ERO1A: variants seen among roughly 807,000 people sequenced by gnomAD.
The protein encoded by ERO1A is ERO1-like protein alpha.
Under a neutral mutation model 76.9 loss-of-function variants are expected in ERO1A, and 49 were observed. The ratio of observed to expected loss-of-function variants is 0.64; its 90% CI spans 0.51 to 0.81. ERO1A has a LOEUF of 0.81. Among genes scored for constraint, ERO1A ranks in the 30% least tolerant of loss-of-function variants. The probability of loss-of-function intolerance (pLI) is 0.00; values close to 1 mark genes in which losing one functional copy is unlikely to be tolerated. For missense variants in ERO1A, 448 were observed against 542.1 expected, an observed-to-expected ratio of 0.83 and a Z score of 1.72; for synonymous variants, 174 against 181.2, an observed-to-expected ratio of 0.96 and a Z score of 0.32.
At chr14:52,659,968 G>A (rs971160123) in intron 9 of ERO1A, among the ~76,000 whole-genome samples, 10 of 152,090 alleles carry the variant, frequency 6.6e-5, no homozygotes, top group African/African-American at 2.4e-4. Context: ...CACACAGCTG[G>A]GATCACAGGT....
At chr14:52,659,447 G>T (rs2040159719) in intron 9 of ERO1A, among the ~76,000 whole-genome samples, 1 of 151,972 alleles carries the variant, frequency 6.6e-6, no homozygotes, top group Non-Finnish European at 1.5e-5. Flanking sequence ...AGTAACTAAG[G>T]GTATGGTTCC....
At chr14:52,647,446 C>G (rs2039709361) in intron 13 of ERO1A, among the ~76,000 whole-genome samples, 1 of 151,866 alleles carries the variant, frequency 6.6e-6, no homozygotes, top group Non-Finnish European at 1.5e-5. Flanking sequence ...TACCCACTAC[C>G]AAGTTTTAGA....
In ERO1A at chr14:52,671,887, G is replaced by T; in HGVS notation, c.358-16C>A. The stretch of plus-strand genomic sequence containing the variant: ...CTTCAGAATACTAAAATGAAAAAGG[G>T]AATAAATAGATAATAACTTATTGCA... On this transcript the variant is annotated splice_polypyrimidine_tract_variant and intron_variant, in intron 4 of 15. Coordinates refer to ENST00000395686, the MANE Select transcript of ERO1A (RefSeq NM_014584.3). 3 of 1,468,380 alleles carry T rather than the reference G, an allele frequency of 2.0e-6. No individual in the cohort carries two copies. In the South Asian group the frequency reaches 3.7e-5, roughly 18 times the overall value. The allele number at this position is 1,468,380 out of a possible 1,614,324, so 91.0% of individuals were successfully genotyped here.
Position 52,646,218 on chromosome 14 carries a change from C to T in ERO1A, c.1282G>A (p.Gly428Arg), listed in dbSNP as rs956095663. 6.2e-7 allele frequency: 1 copy of T among 1,613,692 alleles called. No individual in the cohort carries two copies. The highest frequency in any genetic ancestry group is 8.5e-7 in the Non-Finnish European group (1 of 1,179,764). The change falls in exon 15 of 16, where the codon GGA becomes AGA. Residue 428 changes from glycine (G) to arginine (R), a missense_variant. Gly to Arg is a moderately radical substitution (Grantham distance 125). Coordinates refer to ENST00000395686, the MANE Select transcript of ERO1A (RefSeq NM_014584.3). ...GTTAGATGGAATTCATAACTAGGTC[C>T]ACTTTCTGGCATATTTGCTATCAAT... The part of the protein sequence containing the change: ...EKLIANMPES[G>R]PSYEFHLTRQ...
intron 1 of ERO1A, among the ~76,000 whole-genome samples, chr14:52,690,272 G>T (rs998599775): frequency 6.6e-6 from 1 of 151,828 alleles, no homozygotes; most frequent in East Asian, 1.9e-4. Context: ...AAGTAAGTGG[G>T]ACTACATGCA....
intron 3 of ERO1A, among the ~76,000 whole-genome samples, chr14:52,678,822 T>G (rs2040890238): frequency 1.3e-5 from 2 of 152,204 alleles, no homozygotes; most frequent in Admixed American, 6.5e-5. Flanking sequence ...ATTACTCCAG[T>G]GGTCCTTAGT....
intron 4 of ERO1A, 81 bp downstream of exon 4, chr14:52,678,353 T>C: frequency 9.4e-7 from 1 of 1,059,366 alleles, no homozygotes; most frequent in Non-Finnish European, 1.4e-6. Context: ...AGCAGATAAA[T>C]GGGATAGTAG....
intron 11 of ERO1A, among the ~76,000 whole-genome samples, chr14:52,656,509 G>T (rs1165263570): frequency 6.6e-6 from 1 of 151,840 alleles, no homozygotes; most frequent in Non-Finnish European, 1.5e-5. Context: ...TCAGGAATTC[G>T]AGACCAGCCT....
chr14:52,643,702 A>G, intron 15 of ERO1A, 72 bp from the exon 16 acceptor site: 1 of 741,984 alleles, frequency 1.3e-6, no homozygotes, highest in South Asian at 2.1e-5. Flanking sequence ...TTCACTTTGC[A>G]TTTTAAAACA....
At chr14:52,674,335 G>A (rs2040709720) in intron 4 of ERO1A, among the ~76,000 whole-genome samples, 1 of 152,036 alleles carries the variant, frequency 6.6e-6, no homozygotes, top group Non-Finnish European at 1.5e-5. Context: ...TAGGACTATG[G>A]GCATGCACCA....
chr14:52,663,862 A>T lies in ERO1A; in HGVS notation c.630-15T>A, dbSNP rs759992341. On this transcript the variant is annotated splice_polypyrimidine_tract_variant and intron_variant, in intron 7 of 15. Transcript: ENST00000395686. The stretch of plus-strand genomic sequence containing the variant: ...TTGTCTGTGGCCTAGAAGTAAAAAG[A>T]ATTAAAAATATCAACACAAATATGT... 1 of 1,469,426 alleles carries T rather than the reference A, an allele frequency of 6.8e-7. No individual in the cohort carries two copies. Among genetic ancestry groups the T allele is most frequent in the South Asian group, 1.2e-5 (1 of 84,448 alleles). The allele number at this position is 1,469,426 out of a possible 1,614,324, so 91.0% of individuals were successfully genotyped here.
At chr14:52,679,288 T>C (rs1212782751) in intron 3 of ERO1A, among the ~76,000 whole-genome samples, 2 of 152,226 alleles carry the variant, frequency 1.3e-5, no homozygotes, top group African/African-American at 4.8e-5. Context: ...TCATCTGCTA[T>C]TCCACACTCC....
chr14:52,690,630 G>C (rs574066548), intron 1 of ERO1A, among the ~76,000 whole-genome samples: 1 of 152,070 alleles, frequency 6.6e-6, no homozygotes, highest in Non-Finnish European at 1.5e-5. Flanking sequence ...GAACCCAGGA[G>C]GCAGAGTTTG....
At chr14:52,648,405 A>C (rs976195405) in intron 13 of ERO1A, among the ~76,000 whole-genome samples, 3 of 152,174 alleles carry the variant, frequency 2.0e-5, no homozygotes, top group African/African-American at 7.2e-5. Context: ...CCATCCTATG[A>C]GCTGTTGACT....
intron 9 of ERO1A, among the ~76,000 whole-genome samples, chr14:52,658,746 T>C (rs2040132828): frequency 6.6e-6 from 1 of 152,092 alleles, no homozygotes. Context: ...ATTAACATGA[T>C]AGAACACTAT....
At chr14:52,652,564 T>C (rs1303155124) in intron 12 of ERO1A, among the ~76,000 whole-genome samples, 2 of 152,226 alleles carry the variant, frequency 1.3e-5, no homozygotes, top group African/African-American at 4.8e-5. Context: ...AAAGAATGGC[T>C]CTTAAAACTA....
intron 3 of ERO1A, among the ~76,000 whole-genome samples, chr14:52,680,744 AG>A (rs1267375887): frequency 6.6e-6 from 1 of 152,224 alleles, no homozygotes; most frequent in Admixed American, 6.5e-5. Context: ...AATAGTGACA[AG>A]GTGTTTCATA....
chr14:52,693,591 T>C (rs1157106393), intron 1 of ERO1A, among the ~76,000 whole-genome samples: 1 of 152,112 alleles, frequency 6.6e-6, no homozygotes, highest in Non-Finnish European at 1.5e-5. Context: ...CTGGGCTCAC[T>C]CCATCCTGCC....
intron 12 of ERO1A, 65 bp downstream of exon 12, chr14:52,653,004 A>C: frequency 7.8e-7 from 1 of 1,273,904 alleles, no homozygotes; most frequent in Non-Finnish European, 1.1e-6. Flanking sequence ...CAAAAAAAAA[A>C]AAATTTATCT....
Sources: allele counts gnomAD v4.1 joint callset (sites outside exome capture counted in the v4.1 genomes callset), GRCh38; gene constraint gnomAD v4.1.1; transcripts MANE v1.5; gene names NCBI Gene and HGNC (gene_info 2026-07-23, HGNC 2026-07-21).